AGMO: variants seen among roughly 807,000 people sequenced by gnomAD.
AGMO encodes the protein alkylglycerol monooxygenase, also known as glyceryl-ether monooxygenase.
Under a neutral mutation model 60.2 loss-of-function variants are expected in AGMO, and 75 were observed. The observed-to-expected ratio is 1.25, with a 90% CI of 1.03 to 1.51. AGMO has a LOEUF of 1.51. Ranked by LOEUF, AGMO falls within the 40% of genes most tolerant of loss-of-function variation. AGMO has a pLI of 0.00. For missense variants in AGMO, 763 were observed against 525.5 expected (o/e 1.45, Z -4.42); for synonymous variants, 261 against 177.1 (o/e 1.47, Z -3.76).
intron 3 of AGMO, among the ~76,000 whole-genome samples, chr7:15,439,109 G>A (rs1164625869): frequency 2.0e-5 from 3 of 152,034 alleles, no homozygotes; most frequent in African/African-American, 4.8e-5. Context: ...ATAGAAAATC[G>A]AGAACATGAC....
intron 12 of AGMO, among the ~76,000 whole-genome samples, chr7:15,322,505 AATATATAT>A (rs1255007739): frequency 1.9e-5 from 1 of 52,610 alleles, no homozygotes; most frequent in African/African-American, 8.5e-5. Flanking sequence ...TAAATATATA[AATATATAT>A]ATAAATATAT....
At chr7:15,188,138 C>T in the AGMO span, among the ~76,000 whole-genome samples, 6 of 152,212 alleles carry the variant, frequency 3.9e-5, no homozygotes, top group South Asian at 4.1e-4. Context: ...CAGAGGTTCA[C>T]GAAGAAGGGC....
the AGMO span, among the ~76,000 whole-genome samples, chr7:15,138,570 C>T: frequency 2.6e-5 from 4 of 152,144 alleles, no homozygotes; most frequent in Non-Finnish European, 4.4e-5. Context: ...AACCTGAAAG[C>T]GTTTACAACT....
chr7:15,412,317 T>C (rs148300407), intron 5 of AGMO, among the ~76,000 whole-genome samples: 1,678 of 152,158 alleles, frequency 0.011, 15 homozygotes, highest in Middle Eastern at 0.071. Context: ...AAGAATTTGT[T>C]TTCCTGATAG....
chr7:15,420,348 G>A (rs558504638), intron 4 of AGMO, among the ~76,000 whole-genome samples: 3 of 151,946 alleles, frequency 2.0e-5, no homozygotes, highest in Non-Finnish European at 4.4e-5. Context: ...CATAGGATTA[G>A]ATTTTCTGAA....
chr7:15,299,673 A>G lies in AGMO; in HGVS notation c.1263+65841T>C, dbSNP rs575691686. Among the ~76,000 whole-genome samples, 62 of 152,136 alleles carry G rather than the reference A, an allele frequency of 4.1e-4. 1 individual carries two copies. The South Asian group carries it at 0.012, about 29-fold the overall frequency. Reference sequence around the variant, plus strand: ...AAACCCAGTCTCTACTAAAATACAAAAGATATTAGCTGGGTATGGTGGCAC... The same window carrying G: ...AAACCCAGTCTCTACTAAAATACAAGAGATATTAGCTGGGTATGGTGGCAC... On this transcript the variant is annotated intron_variant, in intron 12 of 12. Transcript: ENST00000342526.
At chr7:15,386,116 G>A (rs1316029213) in intron 9 of AGMO, among the ~76,000 whole-genome samples, 1 of 152,026 alleles carries the variant, frequency 6.6e-6, no homozygotes, top group East Asian at 1.9e-4. Flanking sequence ...GGTAGGCAGA[G>A]GCTGCAGTGA....
intron 12 of AGMO, among the ~76,000 whole-genome samples, chr7:15,239,140 C>G (rs1782514434): frequency 6.6e-6 from 1 of 152,058 alleles, no homozygotes; most frequent in South Asian, 2.1e-4. Flanking sequence ...CAAGCACCAT[C>G]AACACAACTT....
At chr7:15,499,343 G>A (rs1451439142) in intron 3 of AGMO, among the ~76,000 whole-genome samples, 3 of 151,786 alleles carry the variant, frequency 2.0e-5, no homozygotes, top group Non-Finnish European at 4.4e-5. Context: ...AAACTTTGAA[G>A]CAAACCCTCA....
At chr7:15,379,955 G>A (rs999324007) in intron 10 of AGMO, among the ~76,000 whole-genome samples, 7 of 151,822 alleles carry the variant, frequency 4.6e-5, no homozygotes, top group Non-Finnish European at 1.0e-4. Context: ...TCTTTAATTC[G>A]ACACCCTTTC....
chr7:15,193,073 A>T, the AGMO span, among the ~76,000 whole-genome samples: 2 of 152,186 alleles, frequency 1.3e-5, no homozygotes, highest in African/African-American at 4.8e-5. Flanking sequence ...TTGAATTTTT[A>T]AAATAAAATT....
intron 10 of AGMO, among the ~76,000 whole-genome samples, chr7:15,381,967 A>C (rs1293170968): frequency 1.3e-5 from 2 of 152,250 alleles, no homozygotes; most frequent in Admixed American, 6.5e-5. Context: ...TGGGAGCGCT[A>C]AATGATGAGA....
intron 9 of AGMO, among the ~76,000 whole-genome samples, chr7:15,386,578 G>A (rs1282007199): frequency 1.3e-5 from 2 of 152,146 alleles, no homozygotes; most frequent in African/African-American, 4.8e-5. Context: ...AGCGGCGTTG[G>A]TAACTGAATG....
chr7:15,358,457 G>C (rs561162597), intron 12 of AGMO: 4 of 470,398 alleles, frequency 8.5e-6, no homozygotes, highest in Non-Finnish European at 1.8e-5. Flanking sequence ...TAAAGGGTGA[G>C]ATACGTACTA....
chr7:15,342,272 T>TCAGCAAGG (rs1781880318), intron 12 of AGMO, among the ~76,000 whole-genome samples: 1 of 148,968 alleles, frequency 6.7e-6, no homozygotes, highest in African/African-American at 2.5e-5. Flanking sequence ...AAAGCCATGG[T>TCAGCAAGG]CAGCAAGGGA....
At chr7:15,252,907 G>T (rs1457251675) in intron 12 of AGMO, among the ~76,000 whole-genome samples, 1 of 152,144 alleles carries the variant, frequency 6.6e-6, no homozygotes, top group African/African-American at 2.4e-5. Flanking sequence ...TAAGTGAAGA[G>T]AATGTGTCCA....
intron 12 of AGMO, among the ~76,000 whole-genome samples, chr7:15,253,395 G>A (rs1583331170): frequency 6.6e-6 from 1 of 152,084 alleles, no homozygotes; most frequent in African/African-American, 2.4e-5. Context: ...AAATGAAGAT[G>A]AAGGGAGGCT....
intron 12 of AGMO, among the ~76,000 whole-genome samples, chr7:15,294,854 G>A (rs989210193): frequency 2.0e-5 from 3 of 151,796 alleles, no homozygotes; most frequent in African/African-American, 7.2e-5. Context: ...GAAAACATAT[G>A]CAACTGAAAA....
chr7:15,502,926 C>G (rs926144232), intron 3 of AGMO, among the ~76,000 whole-genome samples: 1 of 151,934 alleles, frequency 6.6e-6, no homozygotes, highest in African/African-American at 2.4e-5. Flanking sequence ...AATATAGACT[C>G]AAACTTAGGG....
Sources: allele counts gnomAD v4.1 joint callset (sites outside exome capture counted in the v4.1 genomes callset), GRCh38; gene constraint gnomAD v4.1.1; transcripts MANE v1.5; gene names NCBI Gene and HGNC (gene_info 2026-07-23, HGNC 2026-07-21).